The following LAPTM4B variants were observed in gnomAD, a reference collection of about 807,000 sequenced individuals.
The protein encoded by LAPTM4B is lysosomal protein transmembrane 4 beta, also known as lysosomal-associated transmembrane protein 4B.
A neutral mutation model predicts 28.5 loss-of-function variants in LAPTM4B; 26 were observed. The observed-to-expected ratio is 0.91, with a 90% confidence interval of 0.67 to 1.27. LAPTM4B has a LOEUF of 1.27. LAPTM4B is among the 50% of genes most tolerant of loss of function. LAPTM4B has a pLI of 0.00. For synonymous variants in LAPTM4B, 109 were observed against 106.4 expected (o/e 1.02, Z -0.15); for missense variants, 288 against 285.8 (o/e 1.01, Z -0.06).
chr8:97,848,601 C>CT (rs1817467134), intron 6 of LAPTM4B, among the ~76,000 whole-genome samples: 1 of 152,122 alleles, frequency 6.6e-6, no homozygotes, highest in Non-Finnish European at 1.5e-5. Context: ...GGGAGGATCA[C>CT]TTGAGGCCAA....
chr8:97,836,261 A>G (rs1048280408), intron 6 of LAPTM4B, among the ~76,000 whole-genome samples: 1 of 151,958 alleles, frequency 6.6e-6, no homozygotes, highest in African/African-American at 2.4e-5. Flanking sequence ...GCTCACTGCA[A>G]CCTCCACCCC....
chr8:97,850,319 A>G (rs1251574042), intron 6 of LAPTM4B, among the ~76,000 whole-genome samples: 1 of 151,542 alleles, frequency 6.6e-6, no homozygotes, highest in Non-Finnish European at 1.5e-5. Flanking sequence ...CCTAAGTGGC[A>G]CCTCCGTCAC....
rs111481037 is a variant in LAPTM4B, at chr8:97,814,976, G to A, written c.212-352G>A. 1.7e-3 allele frequency among the ~76,000 whole-genome samples: 266 copies of A among 152,282 alleles called. 7 individuals are homozygous for A. The highest frequency in any genetic ancestry group is 6.1e-3 in the African/African-American group (255 of 41,548). On this transcript the variant is annotated intron_variant, in intron 2 of 6. Transcript: ENST00000521545. ...CAAAGTGTTGGGATTATAGGTGTGA[G>A]CCACCGCACCTGGCCGGAGTTTTTA...
intron 6 of LAPTM4B, among the ~76,000 whole-genome samples, chr8:97,832,676 T>C (rs375009365): frequency 8.8e-6 from 1 of 113,094 alleles, no homozygotes; most frequent in Non-Finnish European, 1.9e-5. Context: ...TATTTATTTA[T>C]TTTTATTTTA....
intron 6 of LAPTM4B, among the ~76,000 whole-genome samples, chr8:97,839,637 TCA>T (rs745638470): frequency 2.9e-4 from 44 of 152,218 alleles, no homozygotes; most frequent in Non-Finnish European, 4.3e-4. Context: ...CTGGGGGATC[TCA>T]GAGTGTGTTT....
intron 1 of LAPTM4B, among the ~76,000 whole-genome samples, chr8:97,794,391 C>T (rs1277087383): frequency 1.3e-5 from 2 of 152,144 alleles, no homozygotes; most frequent in Non-Finnish European, 2.9e-5. Flanking sequence ...GGATTGCAAG[C>T]GTGAACCACC....
At chr8:97,824,455 A>G (rs571616068) in intron 5 of LAPTM4B, among the ~76,000 whole-genome samples, 13 of 152,346 alleles carry the variant, frequency 8.5e-5, no homozygotes, top group Admixed American at 2.0e-4. Context: ...TAGCTTAAAC[A>G]TCTCCCGTGA....
intron 1 of LAPTM4B, among the ~76,000 whole-genome samples, chr8:97,780,627 T>C (rs1816293965): frequency 6.6e-6 from 1 of 152,156 alleles, no homozygotes; most frequent in Non-Finnish European, 1.5e-5. Context: ...TACATATTCC[T>C]GGTGAGGTAG....
intron 1 of LAPTM4B, among the ~76,000 whole-genome samples, chr8:97,783,249 T>C (rs1220596620): frequency 2.0e-5 from 3 of 151,834 alleles, no homozygotes; most frequent in Non-Finnish European, 4.4e-5. Context: ...TATGACCTGG[T>C]CTTTCTTTTT....
chr8:97,844,937 C>T (rs1177490235), intron 6 of LAPTM4B, among the ~76,000 whole-genome samples: 2 of 152,132 alleles, frequency 1.3e-5, no homozygotes, highest in Admixed American at 6.5e-5. Flanking sequence ...CCATATTGCA[C>T]ACACATCCCT....
rs546009577 is a variant in LAPTM4B at position 97,786,605 on chromosome 8, C to T, written c.99+10497C>T. Among the ~76,000 whole-genome samples, 301 of 151,078 alleles carry T rather than the reference C, an allele frequency of 2.0e-3. 3 individuals are homozygous for T. Among genetic ancestry groups the T allele is most frequent in the African/African-American group, 6.4e-3 (263 of 41,142 alleles). ...TCCCAGCTACTCCAGAGGCTGAGCCCGGAGAATCACGTGAACCTGGGAGGC... is the reference window on the plus strand; with the variant it reads ...TCCCAGCTACTCCAGAGGCTGAGCCTGGAGAATCACGTGAACCTGGGAGGC... On this transcript the variant is annotated intron_variant, in intron 1 of 6. Coordinates refer to ENST00000521545, the MANE Select transcript of LAPTM4B (RefSeq NM_018407.6).
intron 5 of LAPTM4B, 37 bp downstream of exon 5, chr8:97,819,275 T>A: frequency 7.8e-7 from 1 of 1,277,356 alleles, no homozygotes; most frequent in Non-Finnish European, 1.1e-6. Flanking sequence ...CTAAAAATAT[T>A]AAGTGTATTC....
intron 6 of LAPTM4B, among the ~76,000 whole-genome samples, chr8:97,835,167 A>AT (rs2129833518): frequency 6.6e-6 from 1 of 152,286 alleles, no homozygotes; most frequent in Admixed American, 6.5e-5. Flanking sequence ...ATAACATGTC[A>AT]TGTCTTGCTT....
At chr8:97,822,514 C>T (rs1817020911) in intron 5 of LAPTM4B, among the ~76,000 whole-genome samples, 1 of 149,744 alleles carries the variant, frequency 6.7e-6, no homozygotes, top group Non-Finnish European at 1.5e-5. Context: ...TAGCTTCTGT[C>T]AGTATGACTT....
At chr8:97,822,560 A>G (rs1192545855) in intron 5 of LAPTM4B, among the ~76,000 whole-genome samples, 2 of 150,278 alleles carry the variant, frequency 1.3e-5, no homozygotes, top group African/African-American at 2.5e-5. Flanking sequence ...TTATTTATTT[A>G]TTTATTTATT....
At chr8:97,787,411 G>A (rs181323308) in intron 1 of LAPTM4B, among the ~76,000 whole-genome samples, 4,565 of 150,990 alleles carry the variant, frequency 0.03, 236 homozygotes, top group African/African-American at 0.1. Flanking sequence ...TCAGCCTCCC[G>A]AGTAGCTGGG....
At chr8:97,805,616 T>C (rs1816748114) in intron 2 of LAPTM4B, 152 bp downstream of exon 2, 1 of 622,130 alleles carries the variant, frequency 1.6e-6, no homozygotes. Context: ...TCTAACATTC[T>C]GTCTTCTAGG....
At chr8:97,803,809 C>A (rs1176030993) in intron 1 of LAPTM4B, among the ~76,000 whole-genome samples, 2 of 152,064 alleles carry the variant, frequency 1.3e-5, no homozygotes, top group African/African-American at 4.8e-5. Context: ...CTGTGCCTGG[C>A]TCATTTTCTT....
chr8:97,793,163 A>G (rs1816530927), intron 1 of LAPTM4B, among the ~76,000 whole-genome samples: 3 of 152,190 alleles, frequency 2.0e-5, no homozygotes, highest in African/African-American at 7.2e-5. Flanking sequence ...CATAATATAT[A>G]TGTGATGCTT....
Sources: gnomAD v4.1 joint callset for allele counts (sites outside exome capture counted in the v4.1 genomes callset) on GRCh38, gnomAD v4.1.1 for gene constraint, MANE v1.5 for transcripts, NCBI Gene and HGNC (gene_info 2026-07-23, HGNC 2026-07-21) for gene names.